Variants in COPA observed in about 807,000 individuals in gnomAD.
The protein encoded by COPA is coatomer subunit alpha.
A neutral mutation model predicts 158.7 loss-of-function variants in COPA; 10 were observed. That is an observed-to-expected ratio of 0.06 (90% CI 0.04 to 0.11). COPA has a LOEUF of 0.11. Among genes scored for constraint, COPA ranks in the 10% least tolerant of loss-of-function variants. COPA has a pLI of 1.00. For synonymous variants in COPA, 462 were observed against 542.8 expected (o/e 0.85, Z 2.07); for missense variants, 1,065 against 1,536.7 (o/e 0.69, Z 5.13).
Position 160,314,041 on chromosome 1 carries a change from A to G in COPA, c.791T>C (p.Ile264Thr). ...CAVFHPRQEL[I>T]LSNSEDKSIR... ...ACTCTTGTCCTCAGAATTGCTGAGGATCAACTCTTGGCGAGGGTGGAAGAC... is the reference window on the plus strand; with the variant it reads ...ACTCTTGTCCTCAGAATTGCTGAGGGTCAACTCTTGGCGAGGGTGGAAGAC... Residue 264 changes from isoleucine (I) to threonine (T), a missense_variant, in exon 9 of 33, where the codon ATC (isoleucine) becomes ACC (threonine). Coordinates refer to ENST00000241704, the MANE Select transcript of COPA (RefSeq NM_004371.4). 6.2e-7 allele frequency: 1 copy of G among 1,614,084 alleles called. No homozygotes were observed. The highest frequency in any genetic ancestry group is 8.5e-7 in the Non-Finnish European group (1 of 1,180,002).
chr1:160,307,122 C>T, intron 14 of COPA, 41 bp downstream of exon 14: 14 of 1,595,618 alleles, frequency 8.8e-6, no homozygotes, highest in Non-Finnish European at 1.2e-5. Context: ...CCACTGCCAC[C>T]ACACTCCCCA....
intron 8 of COPA, among the ~76,000 whole-genome samples, chr1:160,320,298 C>T (rs1469241302): frequency 2.0e-5 from 3 of 151,994 alleles, no homozygotes; most frequent in African/African-American, 7.2e-5. Context: ...TATTCCTAGA[C>T]ACATACAACC....
chr1:160,305,297 T>G (rs879903234), intron 17 of COPA, 136 bp downstream of exon 17: 6 of 738,350 alleles, frequency 8.1e-6, no homozygotes, highest in Non-Finnish European at 1.3e-5. Context: ...AATGTTCTGA[T>G]GCCCCTTGCA....
chr1:160,336,962 G>A (rs1329080022), intron 3 of COPA, among the ~76,000 whole-genome samples: 1 of 152,114 alleles, frequency 6.6e-6, no homozygotes, highest in Non-Finnish European at 1.5e-5. Flanking sequence ...TGCTCAGTAA[G>A]CATTATGTAT....
At chr1:160,324,626 G>C (rs1403288303) in intron 7 of COPA, among the ~76,000 whole-genome samples, 1 of 151,772 alleles carries the variant, frequency 6.6e-6, no homozygotes, top group Non-Finnish European at 1.5e-5. Context: ...TTATTCTTTC[G>C]TAAGTATACA....
At chr1:160,311,385 C>A (rs1260618916) in intron 11 of COPA, among the ~76,000 whole-genome samples, 1 of 151,354 alleles carries the variant, frequency 6.6e-6, no homozygotes, top group East Asian at 1.9e-4. Flanking sequence ...TTGCAGTGAG[C>A]TGAGGTTGCA....
At chr1:160,306,643 T>C (rs1023409047) in intron 14 of COPA, 150 bp from the exon 15 acceptor site, 23 of 934,186 alleles carry the variant, frequency 2.5e-5, no homozygotes, top group East Asian at 2.0e-4. Flanking sequence ...AGACAGACCA[T>C]GCCAACCAAG....
intron 1 of COPA, among the ~76,000 whole-genome samples, chr1:160,340,643 C>G (rs985468130): frequency 6.6e-6 from 1 of 152,200 alleles, no homozygotes; most frequent in African/African-American, 2.4e-5. Flanking sequence ...TCTGAGGTCT[C>G]TATTTGAAGC....
chr1:160,318,484 A>C (rs1659224764), intron 8 of COPA, among the ~76,000 whole-genome samples: 2 of 68,212 alleles, frequency 2.9e-5, no homozygotes, highest in African/African-American at 1.7e-4. Flanking sequence ...AAAAAAAAAA[A>C]AAAAAAACAA....
intron 10 of COPA, among the ~76,000 whole-genome samples, 185 bp downstream of exon 10, chr1:160,312,900 C>T (rs1188992002): frequency 1.3e-5 from 2 of 152,152 alleles, no homozygotes; most frequent in Non-Finnish European, 2.9e-5. Context: ...TTTTTCACCA[C>T]ACATCATTTT....
rs1356663546 is a variant in COPA at position 160,343,212 on chromosome 1, C to A, written c.-42G>T. The stretch of plus-strand genomic sequence containing the variant: ...TCCGATGTCTTAATCCGAGCCCCGA[C>A]ACACCCTGCTGCCCTTCGGACGCCT... On this transcript the variant is annotated 5_prime_UTR_variant, in exon 1 of 33. Transcript: ENST00000241704. The A allele has an allele frequency of 6.2e-7, 1 of 1,613,806 alleles. No individual in the cohort carries two copies. The highest frequency in any genetic ancestry group is 1.7e-5 in the Admixed American group (1 of 60,026).
chr1:160,320,575 C>T (rs1378235479), intron 8 of COPA, among the ~76,000 whole-genome samples: 1 of 133,022 alleles, frequency 7.5e-6, no homozygotes, highest in Non-Finnish European at 1.5e-5. Context: ...CCCTGCTGCA[C>T]TCCAGCCTAG....
chr1:160,332,748 T>A (rs969749181), intron 5 of COPA, among the ~76,000 whole-genome samples, 191 bp from the exon 6 acceptor site: 12 of 152,342 alleles, frequency 7.9e-5, no homozygotes, highest in African/African-American at 2.9e-4. Context: ...GTTCTCTTCT[T>A]GCCTCTAATG....
At chr1:160,318,653 T>C (rs1362703938) in intron 8 of COPA, among the ~76,000 whole-genome samples, 1 of 151,970 alleles carries the variant, frequency 6.6e-6, no homozygotes, top group African/African-American at 2.4e-5. Context: ...AAGACAAATA[T>C]ATCAAAAGCA....
At chr1:160,340,368 A>G (rs1647982735) in intron 1 of COPA, 74 bp from the exon 2 acceptor site, 1 of 941,600 alleles carries the variant, frequency 1.1e-6, no homozygotes. Flanking sequence ...TCTGATAAGA[A>G]AAAGAAACAT....
chr1:160,302,669 A>C (rs919297517), intron 17 of COPA, among the ~76,000 whole-genome samples: 14 of 147,258 alleles, frequency 9.5e-5, no homozygotes, highest in Non-Finnish European at 1.6e-4. Flanking sequence ...ATTCTCCTGC[A>C]TCAGCCTCCT....
chr1:160,291,301 G>T, intron 31 of COPA, 34 bp downstream of exon 31: 2 of 1,610,214 alleles, frequency 1.2e-6, no homozygotes, highest in Non-Finnish European at 1.7e-6. Context: ...AGCTGATCTG[G>T]CTTCCCTATG....
At chr1:160,331,648 C>CAA (rs59093132) in intron 6 of COPA, among the ~76,000 whole-genome samples, 32 of 95,810 alleles carry the variant, frequency 3.3e-4, no homozygotes, top group Middle Eastern at 6.4e-3. Flanking sequence ...GACTCCATCT[C>CAA]AAAAAAAAAA....
At chr1:160,328,431 A>C (rs1363939728) in intron 6 of COPA, among the ~76,000 whole-genome samples, 1 of 152,202 alleles carries the variant, frequency 6.6e-6, no homozygotes, top group African/African-American at 2.4e-5. Flanking sequence ...TCAGAGAAGA[A>C]ATATTTGAGC....
Sources: allele counts gnomAD v4.1 joint callset (sites outside exome capture counted in the v4.1 genomes callset), GRCh38; gene constraint gnomAD v4.1.1; transcripts MANE v1.5; gene names NCBI Gene and HGNC (gene_info 2026-07-23, HGNC 2026-07-21).